GRIN2B: variants seen among roughly 807,000 people sequenced by gnomAD.
The protein encoded by GRIN2B is glutamate receptor ionotropic, NMDA 2B.
A neutral mutation model predicts 114.5 loss-of-function variants in GRIN2B; 5 were observed. The ratio of observed to expected loss-of-function variants is 0.04; its 90% CI spans 0.02 to 0.09. The LOEUF (loss-of-function observed/expected upper bound fraction) is 0.09, where lower values mean the gene tolerates loss of function less well. Ranked by LOEUF, GRIN2B falls within the 10% of genes least tolerant of loss-of-function variation. The pLI is 1.00. For synonymous variants in GRIN2B, 787 were observed against 745.1 expected (o/e 1.06, Z -0.92); for missense variants, 1,108 against 1,943.5 (o/e 0.57, Z 8.08).
chr12:13,882,542 G>A (rs1427552776), intron 2 of GRIN2B, among the ~76,000 whole-genome samples: 1 of 152,024 alleles, frequency 6.6e-6, no homozygotes, highest in African/African-American at 2.4e-5. Flanking sequence ...TAGCCTCTCT[G>A]AACCTCAGAG....
At chr12:13,809,462 A>G (rs1421039666) in intron 3 of GRIN2B, among the ~76,000 whole-genome samples, 2 of 152,230 alleles carry the variant, frequency 1.3e-5, no homozygotes, top group Non-Finnish European at 2.9e-5. Context: ...GAGGATTAAA[A>G]GAGATAATAA....
At chr12:13,803,318 G>A (rs1390051832) in intron 3 of GRIN2B, among the ~76,000 whole-genome samples, 2 of 152,036 alleles carry the variant, frequency 1.3e-5, no homozygotes, top group Non-Finnish European at 2.9e-5. Context: ...CCCCCACATT[G>A]TTCAAGGGTC....
intron 11 of GRIN2B, 57 bp downstream of exon 11, chr12:13,571,747 A>G (rs1948711603): frequency 6.4e-7 from 1 of 1,568,454 alleles, no homozygotes; most frequent in Non-Finnish European, 8.8e-7. Flanking sequence ...ATTCAATAGT[A>G]TGCTTAATAA....
Position 13,561,888 on chromosome 12 carries a change from G to C in GRIN2B, c.*895C>G, listed in dbSNP as rs1948549800. On this transcript the variant is annotated 3_prime_UTR_variant, in exon 14 of 14. Coordinates refer to ENST00000609686, the MANE Select transcript of GRIN2B (RefSeq NM_000834.5). Reference sequence around the variant, plus strand: ...TCTCCTTATTCCAGAAGGATGAAGGGAGACACAGCCAAAATTCAGGTAATA... The same window carrying C: ...TCTCCTTATTCCAGAAGGATGAAGGCAGACACAGCCAAAATTCAGGTAATA... The C allele has an allele frequency of 6.6e-6, 1 of 152,640 alleles. No individual in the cohort carries two copies. Among genetic ancestry groups the C allele is most frequent in the African/African-American group, 2.4e-5 (1 of 41,442 alleles). 9.5% of individuals were successfully genotyped at this position (152,640 alleles called of 1,614,324 possible). A position where few individuals can be genotyped will look rare whatever the true frequency, so the allele number is the denominator to read the frequency against.
chr12:13,785,665 C>A (rs561875327), intron 3 of GRIN2B, among the ~76,000 whole-genome samples: 1 of 152,170 alleles, frequency 6.6e-6, no homozygotes, highest in South Asian at 2.1e-4. Flanking sequence ...ATAACACCAA[C>A]GACAATATTA....
chr12:13,554,028 T>G lies in GRIN2B; in HGVS notation c.*8755A>C, dbSNP rs1346588743. 4 of 152,120 alleles carry G rather than the reference T, an allele frequency of 2.6e-5. No individual in the cohort carries two copies. In the East Asian group the frequency reaches 7.7e-4, roughly 29 times the overall value. 9.4% of individuals were successfully genotyped at this position (152,120 alleles called of 1,614,324 possible). On this transcript the variant is annotated 3_prime_UTR_variant, in exon 14 of 14. Transcript: ENST00000609686. ...TGTGTGCAGATATATATAGAGAAAC[T>G]GGGGGGATTCATCCTTAGGTGCTAC... is the stretch of plus-strand genomic sequence containing the variant.
At chr12:13,929,280 C>G (rs954470149) in intron 2 of GRIN2B, among the ~76,000 whole-genome samples, 9 of 152,212 alleles carry the variant, frequency 5.9e-5, no homozygotes, top group Admixed American at 2.0e-4. Flanking sequence ...TAAAATATGA[C>G]CAGTTCTAAC....
chr12:13,718,193 T>G (rs1950474486), intron 4 of GRIN2B, among the ~76,000 whole-genome samples: 1 of 152,070 alleles, frequency 6.6e-6, no homozygotes, highest in Non-Finnish European at 1.5e-5. Context: ...CTTTGGCTGC[T>G]GCAGCTCCCA....
chr12:13,677,355 C>A (rs528507284), intron 4 of GRIN2B, among the ~76,000 whole-genome samples: 2 of 152,216 alleles, frequency 1.3e-5, no homozygotes, highest in African/African-American at 2.4e-5. Context: ...GTTAAACAAC[C>A]AGGTTGCTAG....
At chr12:13,811,034 C>T (rs1238349274) in intron 3 of GRIN2B, among the ~76,000 whole-genome samples, 6 of 152,326 alleles carry the variant, frequency 3.9e-5, no homozygotes, top group South Asian at 2.1e-4. Context: ...TTTATTAGGT[C>T]CAGTAGTGAG....
intron 5 of GRIN2B, among the ~76,000 whole-genome samples, chr12:13,642,921 TG>T (rs1949732853): frequency 6.6e-6 from 1 of 152,204 alleles, no homozygotes. Flanking sequence ...CTTTCCATTA[TG>T]CTATGATTGC....
chr12:13,911,763 C>A (rs1049536557), intron 2 of GRIN2B, among the ~76,000 whole-genome samples: 4 of 152,134 alleles, frequency 2.6e-5, no homozygotes, highest in African/African-American at 9.7e-5. Flanking sequence ...GGTGGATGAC[C>A]GCAGACACAT....
intron 3 of GRIN2B, among the ~76,000 whole-genome samples, chr12:13,823,140 A>C (rs1864968707): frequency 6.6e-6 from 1 of 151,996 alleles, no homozygotes; most frequent in East Asian, 1.9e-4. Flanking sequence ...TGTATTGACT[A>C]TTCTAGGTCC....
chr12:13,976,414 G>T (rs1200210771), intron 2 of GRIN2B, among the ~76,000 whole-genome samples: 1 of 152,190 alleles, frequency 6.6e-6, no homozygotes, highest in Non-Finnish European at 1.5e-5. Flanking sequence ...GGGGTAGAAT[G>T]GCACTGAGGA....
chr12:13,941,727 T>C (rs1867258264), intron 2 of GRIN2B, among the ~76,000 whole-genome samples: 1 of 152,222 alleles, frequency 6.6e-6, no homozygotes, highest in Non-Finnish European at 1.5e-5. Flanking sequence ...ATTTCCAGTC[T>C]GTTAGCGTCC....
At chr12:13,791,465 A>G (rs1256389093) in intron 3 of GRIN2B, among the ~76,000 whole-genome samples, 1 of 150,274 alleles carries the variant, frequency 6.7e-6, no homozygotes, top group Non-Finnish European at 1.5e-5. Flanking sequence ...AAAAAAAATA[A>G]AAAAAAAAAA....
intron 4 of GRIN2B, among the ~76,000 whole-genome samples, chr12:13,737,908 T>C (rs766412095): frequency 6.6e-6 from 1 of 152,240 alleles, no homozygotes; most frequent in Non-Finnish European, 1.5e-5. Flanking sequence ...CCCATAATTC[T>C]GAAAAATTAT....
chr12:13,593,305 C>T (rs1470935530), intron 10 of GRIN2B, among the ~76,000 whole-genome samples: 1 of 152,136 alleles, frequency 6.6e-6, no homozygotes, highest in Non-Finnish European at 1.5e-5. Flanking sequence ...TACTACAAGC[C>T]TACAGTAACA....
At chr12:13,865,384 C>T (rs560913238) in intron 3 of GRIN2B, among the ~76,000 whole-genome samples, 8 of 152,262 alleles carry the variant, frequency 5.3e-5, no homozygotes, top group South Asian at 4.2e-4. Flanking sequence ...GTAATCCCAG[C>T]GCTGTGGGAG....
Sources: allele counts gnomAD v4.1 joint callset (sites outside exome capture counted in the v4.1 genomes callset), GRCh38; gene constraint gnomAD v4.1.1; transcripts MANE v1.5; gene names NCBI Gene and HGNC (gene_info 2026-07-23, HGNC 2026-07-21).